NOX3: variants seen among roughly 807,000 people sequenced by gnomAD.
NOX3 encodes the protein NADPH oxidase catalytic subunit-like 3.
A neutral mutation model predicts 76.7 loss-of-function variants in NOX3; 74 were observed. The ratio of observed to expected loss-of-function variants is 0.96; its 90% CI spans 0.80 to 1.17. The LOEUF is 1.17. Among genes scored for constraint, NOX3 ranks in the 50% most tolerant of loss-of-function variants. NOX3 has a pLI of 0.00. For missense variants in NOX3, 695 were observed against 703.3 expected, an observed-to-expected ratio of 0.99 and a Z score of 0.13; for synonymous variants, 263 against 261.1, an observed-to-expected ratio of 1.01 and a Z score of -0.07.
chr6:155,442,873 G>C (rs2114704802), intron 5 of NOX3, among the ~76,000 whole-genome samples: 1 of 152,300 alleles, frequency 6.6e-6, no homozygotes. Flanking sequence ...TCTGCAGATT[G>C]AAAATGAAGA....
intron 8 of NOX3, among the ~76,000 whole-genome samples, chr6:155,429,451 A>AC (rs1470273963): frequency 6.6e-6 from 1 of 152,234 alleles, no homozygotes; most frequent in African/African-American, 2.4e-5. Flanking sequence ...ACATTTTGTT[A>AC]CCTTTTTCAA....
rs931924404 is a variant in NOX3 at position 155,455,334 on chromosome 6, C to T, written c.49-205G>A. Among the ~76,000 whole-genome samples, 3 of 152,112 alleles carry T rather than the reference C, an allele frequency of 2.0e-5. No homozygotes were observed. In the East Asian group the frequency reaches 5.8e-4, roughly 29 times the overall value. ...TTACCTTTATTAAAAAGATTTTAAA[C>T]ACATATGAGTCAACTTTAAGTGATT... On this transcript the variant is annotated intron_variant, in intron 1 of 13. Transcript: ENST00000159060.
chr6:155,416,744 C>CTTTTTTTTTTTTTTTTTTTTTTT (rs534711414), intron 10 of NOX3, among the ~76,000 whole-genome samples: 1 of 92,536 alleles, frequency 1.1e-5, no homozygotes, highest in African/African-American at 4.2e-5. Flanking sequence ...CTGAAACATT[C>CTTTTTTTTTTTTTTTTTTTTTTT]TTTTTTTTTT....
At chr6:155,443,196 A>T (rs1777016783) in intron 5 of NOX3, 77 bp downstream of exon 5, 1 of 1,373,020 alleles carries the variant, frequency 7.3e-7, no homozygotes, top group South Asian at 1.6e-5. Flanking sequence ...AAGCTTTTCA[A>T]TATAGCGTTC....
chr6:155,446,826 C>T lies in NOX3; in HGVS notation c.341-3408G>A, dbSNP rs570851058. Among the ~76,000 whole-genome samples the T allele has an allele frequency of 6.6e-5, 10 of 152,180 alleles. 1 individual carries two copies. The East Asian group carries it at 1.7e-3, about 26-fold the overall frequency. On this transcript the variant is annotated intron_variant, in intron 4 of 13. Coordinates refer to ENST00000159060, the MANE Select transcript of NOX3 (RefSeq NM_015718.3). ...ATTCTGCCCCTTGACCCTTACTCCT[C>T]TCCTCCTAGCTTTCTTTAATTCTCT... is the stretch of plus-strand genomic sequence containing the variant.
At chr6:155,448,591 G>T (rs1381755387) in intron 4 of NOX3, among the ~76,000 whole-genome samples, 1 of 146,250 alleles carries the variant, frequency 6.8e-6, no homozygotes, top group African/African-American at 2.5e-5. Flanking sequence ...CATTTAATTG[G>T]TATGTGGACT....
chr6:155,403,291 G>T (rs530608254), intron 12 of NOX3, among the ~76,000 whole-genome samples: 13 of 152,292 alleles, frequency 8.5e-5, no homozygotes, highest in Admixed American at 1.3e-4. Flanking sequence ...CTTTTGAAAG[G>T]GTGGTGCTAA....
At chr6:155,404,019 A>G (rs1454424491) in intron 12 of NOX3, among the ~76,000 whole-genome samples, 1 of 152,040 alleles carries the variant, frequency 6.6e-6, no homozygotes, top group Non-Finnish European at 1.5e-5. Flanking sequence ...AGAACTGAAA[A>G]CCAAGATATA....
intron 4 of NOX3, among the ~76,000 whole-genome samples, chr6:155,447,022 G>A (rs1003175629): frequency 2.0e-5 from 3 of 151,502 alleles, no homozygotes; most frequent in Non-Finnish European, 4.4e-5. Flanking sequence ...CTTCTTTTTT[G>A]CAGGATAAGT....
intron 9 of NOX3, among the ~76,000 whole-genome samples, chr6:155,428,431 A>G (rs1776784743): frequency 6.6e-6 from 1 of 152,200 alleles, no homozygotes. Context: ...CTTTACAAAT[A>G]CAATAAAAAA....
Position 155,436,500 on chromosome 6 carries a change from ATGTTGTGCAGAGAGAGAC to A in NOX3, c.698_715del (p.Ser233_Asn238del). 6.2e-7 allele frequency: 1 copy of A among 1,614,134 alleles called. No homozygotes were observed. The highest frequency in any genetic ancestry group is 8.5e-7 in the Non-Finnish European group (1 of 1,179,988). On this transcript the variant is annotated inframe_deletion, in exon 7 of 14. Transcript: ENST00000159060. ...TGCATAGCGGTCTCTACAGAAGGTGATGTTGTGCAGAGAGAGACTGTCTTGGGTTTGGCCTCGAACAAT... is the reference window on the plus strand; with the variant it reads ...TGCATAGCGGTCTCTACAGAAGGTGATGTCTTGGGTTTGGCCTCGAACAAT...
chr6:155,401,948 T>C (rs1189218277), intron 12 of NOX3, among the ~76,000 whole-genome samples: 1 of 152,196 alleles, frequency 6.6e-6, no homozygotes, highest in Non-Finnish European at 1.5e-5. Flanking sequence ...TTAAGGCCTA[T>C]GGAAAATTAT....
intron 12 of NOX3, among the ~76,000 whole-genome samples, chr6:155,403,523 G>A (rs1779261197): frequency 6.6e-6 from 1 of 152,172 alleles, no homozygotes; most frequent in Non-Finnish European, 1.5e-5. Flanking sequence ...AACCTTGGGG[G>A]CCTCGTCTAC....
At position 155,436,418 on chromosome 6, in the gene NOX3, C is replaced by G. The variant is rs769049081; in HGVS notation, c.798G>C (p.Ser266=). ...PVPQFSGKEP[S]AWKWILGPVV... ...TAAAAGCTCCTGGGTTCATTCTTAC[C>G]GAGGGTTCCTTGCCAGAAAATTGAG... Residue 266 remains serine, a splice_region_variant and synonymous_variant, in exon 7 of 14, where the codon TCG becomes TCC. Transcript: ENST00000159060. The G allele has an allele frequency of 2.5e-6, 4 of 1,613,916 alleles. No individual in the cohort carries two copies. The highest frequency in any genetic ancestry group is 3.4e-6 in the Non-Finnish European group (4 of 1,179,916).
intron 11 of NOX3, among the ~76,000 whole-genome samples, chr6:155,408,112 G>A (rs1054605195): frequency 1.3e-5 from 2 of 152,126 alleles, no homozygotes; most frequent in African/African-American, 4.8e-5. Context: ...TCGAGTAGCT[G>A]GGACTACAGG....
chr6:155,409,437 A>G (rs1410800307), intron 11 of NOX3, among the ~76,000 whole-genome samples: 3 of 152,150 alleles, frequency 2.0e-5, no homozygotes, highest in African/African-American at 7.2e-5. Context: ...CATTTCACAC[A>G]CAAAAAGGGC....
At chr6:155,448,954 A>T (rs558093567) in intron 4 of NOX3, among the ~76,000 whole-genome samples, 1 of 152,272 alleles carries the variant, frequency 6.6e-6, no homozygotes, top group Non-Finnish European at 1.5e-5. Context: ...CTGTAGAAGG[A>T]TCGTTGACTC....
intron 12 of NOX3, among the ~76,000 whole-genome samples, chr6:155,398,276 G>A (rs753255883): frequency 2.8e-5 from 4 of 141,208 alleles, no homozygotes; most frequent in Non-Finnish European, 6.3e-5. Flanking sequence ...TGGTGTTGAG[G>A]CAGATCGCCC....
intron 13 of NOX3, among the ~76,000 whole-genome samples, chr6:155,396,546 T>C (rs1779139481): frequency 1.3e-5 from 2 of 152,208 alleles, no homozygotes; most frequent in South Asian, 4.1e-4. Flanking sequence ...GTGCGAAAAG[T>C]GACTTTTACA....
Sources: gnomAD v4.1 joint callset for allele counts (sites outside exome capture counted in the v4.1 genomes callset) on GRCh38, gnomAD v4.1.1 for gene constraint, MANE v1.5 for transcripts, NCBI Gene and HGNC (gene_info 2026-07-23, HGNC 2026-07-21) for gene names.